DIAPH2: variants seen among roughly 807,000 people sequenced by gnomAD.
DIAPH2 encodes diaphanous related formin 2.
In DIAPH2, 35 loss-of-function variants were observed where a neutral mutation model predicts 92.7. The observed-to-expected ratio is 0.38, with a 90% CI of 0.29 to 0.50. The LOEUF is 0.50. Among genes scored for constraint, DIAPH2 ranks in the 20% least tolerant of loss-of-function variants. The pLI, the probability that DIAPH2 is intolerant of heterozygous loss-of-function variation, is 0.94. For synonymous variants in DIAPH2, 301 were observed against 280.4 expected, an observed-to-expected ratio of 1.07 and a Z score of -0.73; for missense variants, 701 against 819.5, an observed-to-expected ratio of 0.86 and a Z score of 1.77.
At chrX:96,844,372 A>C (rs545888410) in intron 4 of DIAPH2, among the ~76,000 whole-genome samples, 1 of 112,684 alleles carries the variant, frequency 8.9e-6, no homozygotes, top group East Asian at 2.8e-4. Flanking sequence ...TAAGCTTTAC[A>C]TAGGTAAAGT....
chrX:96,986,353 TATTA>T (rs1431612745), intron 17 of DIAPH2, among the ~76,000 whole-genome samples: 1 of 111,952 alleles, frequency 8.9e-6, no homozygotes, highest in Non-Finnish European at 1.9e-5. Context: ...TGTGCATGTA[TATTA>T]ATTGTTGAAC....
chrX:97,286,187 T>G (rs1374332119), intron 23 of DIAPH2, among the ~76,000 whole-genome samples: 1 of 107,439 alleles, frequency 9.3e-6, no homozygotes, highest in African/African-American at 3.4e-5. Context: ...CAGGTGGGAT[T>G]ACAGGCACAC....
intron 24 of DIAPH2, among the ~76,000 whole-genome samples, chrX:97,369,337 G>C (rs1451072275): frequency 9.0e-6 from 1 of 111,380 alleles, no homozygotes; most frequent in Admixed American, 9.6e-5. Flanking sequence ...AAAATAGGGT[G>C]AGTGCATCTT....
intron 26 of DIAPH2, among the ~76,000 whole-genome samples, chrX:97,549,138 C>T (rs370119717): frequency 8.9e-6 from 1 of 111,882 alleles, no homozygotes; most frequent in East Asian, 2.8e-4. Context: ...TTTCATTCCC[C>T]TCACTGTGAT....
intron 17 of DIAPH2, among the ~76,000 whole-genome samples, chrX:97,038,825 T>C (rs180695174): frequency 2.7e-5 from 3 of 111,843 alleles, no homozygotes; most frequent in African/African-American, 9.7e-5. Context: ...TTCTTGCTGA[T>C]TTATTTACTA....
chrX:97,271,394 G>C (rs1013309967), intron 23 of DIAPH2, among the ~76,000 whole-genome samples: 6 of 112,157 alleles, frequency 5.3e-5, no homozygotes, highest in African/African-American at 1.6e-4. Flanking sequence ...AGTTTTGTGT[G>C]CCACATTAAA....
At chrX:97,398,296 A>T (rs922953990) in intron 25 of DIAPH2, among the ~76,000 whole-genome samples, 2 of 111,990 alleles carry the variant, frequency 1.8e-5, no homozygotes, top group African/African-American at 6.5e-5. Context: ...TCTAAGGGCT[A>T]TCTGATCATG....
intron 25 of DIAPH2, among the ~76,000 whole-genome samples, chrX:97,407,092 T>A (rs186166768): frequency 2.7e-5 from 3 of 111,865 alleles, no homozygotes; most frequent in African/African-American, 9.7e-5. Flanking sequence ...ATGACATTTA[T>A]CTGAGATAAT....
intron 23 of DIAPH2, among the ~76,000 whole-genome samples, chrX:97,274,906 C>A (rs954152573): frequency 2.7e-5 from 3 of 110,982 alleles, no homozygotes; most frequent in African/African-American, 9.8e-5. Context: ...CGCCCTTAAT[C>A]CAATTAACCC....
intron 23 of DIAPH2, among the ~76,000 whole-genome samples, chrX:97,321,811 A>T (rs1327023655): frequency 9.0e-6 from 1 of 110,793 alleles, no homozygotes; most frequent in Non-Finnish European, 1.9e-5. Flanking sequence ...GGCCTCCCAA[A>T]GTGCTGGGAT....
chrX:97,043,072 T>C (rs1054013044), intron 17 of DIAPH2, among the ~76,000 whole-genome samples: 15 of 111,319 alleles, frequency 1.3e-4, no homozygotes, highest in African/African-American at 4.9e-4. Context: ...GTTAAAAAGG[T>C]CACAAATTTA....
chrX:96,927,885 AT>A (rs752200740), intron 9 of DIAPH2, among the ~76,000 whole-genome samples: 14 of 111,346 alleles, frequency 1.3e-4, no homozygotes, highest in Non-Finnish European at 2.5e-4. Flanking sequence ...TTTTTTCTGC[AT>A]TACATTATAT....
intron 17 of DIAPH2, among the ~76,000 whole-genome samples, chrX:96,974,141 T>C (rs918244208): frequency 2.7e-5 from 3 of 111,923 alleles, no homozygotes; most frequent in Non-Finnish European, 5.6e-5. Context: ...TGATCTGCTG[T>C]TCATTTAATT....
At chrX:97,406,869 A>G (rs1395234910) in intron 25 of DIAPH2, among the ~76,000 whole-genome samples, 1 of 110,791 alleles carries the variant, frequency 9.0e-6, no homozygotes, top group Non-Finnish European at 1.9e-5. Flanking sequence ...TTGCCAAGGA[A>G]CCTTTAGTAA....
rs953390511 is a variant in DIAPH2 at position 97,450,742 on chromosome X, T to C, written c.3241+20997T>C. 5.4e-5 allele frequency among the ~76,000 whole-genome samples: 6 copies of C among 111,517 alleles called. No homozygotes were observed. In the East Asian group the frequency reaches 1.1e-3, roughly 21 times the overall value. On this transcript the variant is annotated intron_variant, in intron 26 of 26. Transcript: ENST00000324765. The stretch of plus-strand genomic sequence containing the variant: ...TGAAGTGCTATAATTATGGCCTTTA[T>C]CTTTTATTAACATACCTACATGCTA...
At chrX:97,264,726 C>T (rs192370607) in intron 23 of DIAPH2, among the ~76,000 whole-genome samples, 1 of 112,319 alleles carries the variant, frequency 8.9e-6, no homozygotes, top group African/African-American at 3.2e-5. Context: ...TGGCTCACGC[C>T]TGTAATGCCA....
intron 25 of DIAPH2, among the ~76,000 whole-genome samples, chrX:97,412,149 G>A (rs1335102823): frequency 9.0e-6 from 1 of 111,725 alleles, no homozygotes; most frequent in African/African-American, 3.3e-5. Flanking sequence ...CCACATAGTT[G>A]GAAGTAAAGC....
At chrX:97,145,319 AGTAGTG>A (rs1420951344) in intron 22 of DIAPH2, among the ~76,000 whole-genome samples, 10 of 107,517 alleles carry the variant, frequency 9.3e-5, no homozygotes, top group Admixed American at 2.0e-4. Context: ...TAGTAGTAGT[AGTAGTG>A]GTAGTAGTAG....
At chrX:96,892,256 A>G (rs1043516663) in intron 5 of DIAPH2, among the ~76,000 whole-genome samples, 1 of 112,110 alleles carries the variant, frequency 8.9e-6, no homozygotes, top group African/African-American at 3.2e-5. Context: ...TACTTTTTAC[A>G]ATGTAGAAAT....
Sources: gnomAD v4.1 joint callset for allele counts (sites outside exome capture counted in the v4.1 genomes callset) on GRCh38, gnomAD v4.1.1 for gene constraint, MANE v1.5 for transcripts, NCBI Gene and HGNC (gene_info 2026-07-23, HGNC 2026-07-21) for gene names.